Variants in KCNK10 observed in about 807,000 individuals in gnomAD.
The protein encoded by KCNK10 is potassium channel subfamily K member 10.
A neutral mutation model predicts 47.7 loss-of-function variants in KCNK10; 25 were observed. The observed-to-expected ratio is 0.52, with a 90% CI of 0.38 to 0.73. The LOEUF (loss-of-function observed/expected upper bound fraction) is 0.73. Among genes scored for constraint, KCNK10 ranks in the 30% least tolerant of loss-of-function variants. The probability of loss-of-function intolerance (pLI) is 0.00; values close to 1 mark genes in which losing one functional copy is unlikely to be tolerated. For synonymous variants in KCNK10, 303 were observed against 285.6 expected (o/e 1.06, Z -0.61); for missense variants, 563 against 714.5 (o/e 0.79, Z 2.42).
Position 88,260,925 on chromosome 14 carries a change from T to A in KCNK10, c.402+2277A>T, listed in dbSNP as rs1887092388. Among the ~76,000 whole-genome samples, 1 of 152,192 alleles carries A rather than the reference T, an allele frequency of 6.6e-6. No homozygotes were observed. The highest frequency in any genetic ancestry group is 1.5e-5 in the Non-Finnish European group (1 of 68,034). ...ACCAGTCTTAATGGCAGCATCAGAA[T>A]AAGGACCTCCACGCTCTCTGACCCT... On this transcript the variant is annotated intron_variant, in intron 2 of 6. Transcript: ENST00000319231. This position sits in a 1 kb window ranked among gnomAD's most constrained non-coding sequence, Gnocchi z 4.5.
Position 88,185,957 on chromosome 14 carries a change from C to G in KCNK10, c.1210G>C (p.Val404Leu). The part of the protein sequence containing the change: ...LDMLSPEKRS[V>L]FAALDTGRFK... ...CGGCCGGTGTCCAGGGCAGCAAAGACAGAGCGCTTCTCGGGGGACAGCATG... is the reference window on the plus strand; with the variant it reads ...CGGCCGGTGTCCAGGGCAGCAAAGAGAGAGCGCTTCTCGGGGGACAGCATG... Residue 404 changes from valine (V) to leucine (L), a missense_variant, in exon 7 of 7, where the codon GTC becomes CTC. Transcript: ENST00000319231. This position sits in a 1 kb window ranked among gnomAD's most constrained non-coding sequence, Gnocchi z 4.3. 1.9e-6 allele frequency: 3 copies of G among 1,613,756 alleles called. No homozygotes were observed. The highest frequency in any genetic ancestry group is 2.5e-6 in the Non-Finnish European group (3 of 1,179,998).
In KCNK10 at chr14:88,260,741, C is replaced by T. The variant is rs1256601221; in HGVS notation, c.402+2461G>A. Among the ~76,000 whole-genome samples the T allele has an allele frequency of 6.6e-6, 1 of 152,070 alleles. No individual in the cohort carries two copies. The highest frequency in any genetic ancestry group is 1.5e-5 in the Non-Finnish European group (1 of 68,016). On this transcript the variant is annotated intron_variant, in intron 2 of 6. Coordinates refer to ENST00000319231, the MANE Select transcript of KCNK10 (RefSeq NM_138317.3). The surrounding 1 kb of genome is among the most constrained non-coding windows in gnomAD (Gnocchi z 4.5). ...AAATGAGATAATGGGTATATGATGC[C>T]CAGCTCATAACAGATGCCTAATAAA...
rs1228642361 is a variant in KCNK10 at position 88,186,524 on chromosome 14, A to G, written c.1012-369T>C. Among the ~76,000 whole-genome samples the G allele has an allele frequency of 6.6e-6, 1 of 152,018 alleles. No homozygotes were observed. The highest frequency in any genetic ancestry group is 1.5e-5 in the Non-Finnish European group (1 of 68,004). On this transcript the variant is annotated intron_variant, in intron 6 of 6. Coordinates refer to ENST00000319231, the MANE Select transcript of KCNK10 (RefSeq NM_138317.3). The surrounding 1 kb of genome is among the most constrained non-coding windows in gnomAD (Gnocchi z 5.5). ...TTGCATGGCCTCATTCCCCCAACAT[A>G]CACTTGAGTGACCATATATAGCTCA...
chr14:88,302,310 T>C lies in KCNK10; in HGVS notation c.52+20437A>G, dbSNP rs192065362. 1.9e-3 allele frequency among the ~76,000 whole-genome samples: 291 copies of C among 152,280 alleles called. 1 individual carries two copies. Among genetic ancestry groups the C allele is most frequent in the Non-Finnish European group, 2.8e-3 (193 of 68,020 alleles). ...ATCACTCAGGAGAACCTACAGATCCTGACAAGAAGGACCTCAGGTCTAACT... is the reference window on the plus strand; with the variant it reads ...ATCACTCAGGAGAACCTACAGATCCCGACAAGAAGGACCTCAGGTCTAACT... On this transcript the variant is annotated intron_variant, in intron 1 of 6. Transcript: ENST00000319231.
At chr14:88,271,383 C>T (rs149641942) in intron 1 of KCNK10, among the ~76,000 whole-genome samples, 2 of 152,278 alleles carry the variant, frequency 1.3e-5, no homozygotes, top group Non-Finnish European at 2.9e-5. Context: ...GCACCCCTGG[C>T]ACTATTGTGG....
intron 5 of KCNK10, among the ~76,000 whole-genome samples, chr14:88,191,918 A>C (rs534956493): frequency 3.3e-5 from 5 of 152,350 alleles, no homozygotes; most frequent in African/African-American, 9.6e-5. Flanking sequence ...AGAGAGGTTT[A>C]ATTCAATTCA....
At chr14:88,256,217 GC>G (rs1308836206) in intron 2 of KCNK10, among the ~76,000 whole-genome samples, 1 of 152,126 alleles carries the variant, frequency 6.6e-6, no homozygotes, top group African/African-American at 2.4e-5. Context: ...TATTAAAGGG[GC>G]CTGGCCCTTC....
At chr14:88,271,704 G>T (rs1887409785) in intron 1 of KCNK10, among the ~76,000 whole-genome samples, 1 of 152,134 alleles carries the variant, frequency 6.6e-6, no homozygotes, top group African/African-American at 2.4e-5. Context: ...CCCTGAGTCT[G>T]CCTTCCTGGG....
At chr14:88,289,611 A>G (rs1887835532) in intron 1 of KCNK10, among the ~76,000 whole-genome samples, 1 of 152,206 alleles carries the variant, frequency 6.6e-6, no homozygotes, top group Non-Finnish European at 1.5e-5. Flanking sequence ...AGCTACACAC[A>G]CAGTGAAGAA....
intron 1 of KCNK10, among the ~76,000 whole-genome samples, chr14:88,315,186 C>T (rs1034103867): frequency 3.9e-5 from 6 of 152,134 alleles, no homozygotes; most frequent in African/African-American, 1.4e-4. Context: ...GAGGCCGAAA[C>T]AGATCTATCA....
chr14:88,258,290 C>CTTTTT lies in KCNK10; in HGVS notation c.402+4907_402+4911dup, dbSNP rs1255773967. On this transcript the variant is annotated intron_variant, in intron 2 of 6. Transcript: ENST00000319231. ...GGTGAGTAACTTGCTTATGGTGAGT[C>CTTTTT]TTTTTTTTTTTTTTTTTCGAGATGG... is the stretch of plus-strand genomic sequence containing the variant. Among the ~76,000 whole-genome samples the CTTTTT allele has an allele frequency of 2.9e-5, 4 of 136,262 alleles. 1 individual carries two copies. Among genetic ancestry groups the CTTTTT allele is most frequent in the African/African-American group, 8.1e-5 (3 of 37,130 alleles). 89.4% of individuals were successfully genotyped at this position (136,262 alleles called of 152,430 possible).
chr14:88,301,853 G>T (rs184539402), intron 1 of KCNK10, among the ~76,000 whole-genome samples: 1 of 152,176 alleles, frequency 6.6e-6, no homozygotes, highest in Non-Finnish European at 1.5e-5. Context: ...AAGAGGAACC[G>T]ATAGAGAATT....
intron 1 of KCNK10, among the ~76,000 whole-genome samples, chr14:88,273,576 G>GTGCTGAGC: frequency 6.6e-6 from 1 of 152,274 alleles, no homozygotes; most frequent in East Asian, 1.9e-4. Context: ...TATTCCTTGT[G>GTGCTGAGC]TGTGCTGAGC....
chr14:88,208,702 C>A (rs1885362556), intron 4 of KCNK10, among the ~76,000 whole-genome samples: 1 of 151,986 alleles, frequency 6.6e-6, no homozygotes, highest in Admixed American at 6.6e-5. Flanking sequence ...CATGGAAGTT[C>A]TCTGTAATCT....
chr14:88,325,428 T>C (rs1379955226), upstream of KCNK10, among the ~76,000 whole-genome samples: 1 of 152,216 alleles, frequency 6.6e-6, no homozygotes, highest in Non-Finnish European at 1.5e-5. Context: ...CCATTCATCT[T>C]TGTTAGATCA....
intron 4 of KCNK10, among the ~76,000 whole-genome samples, chr14:88,204,687 C>T (rs1277238400): frequency 6.6e-6 from 1 of 151,266 alleles, no homozygotes; most frequent in Non-Finnish European, 1.5e-5. Context: ...TTTATTGGTG[C>T]CCCAATACTG....
At chr14:88,306,236 C>G (rs1333004801) in intron 1 of KCNK10, among the ~76,000 whole-genome samples, 1 of 152,172 alleles carries the variant, frequency 6.6e-6, no homozygotes, top group Non-Finnish European at 1.5e-5. Flanking sequence ...AAGCACATAA[C>G]CACTACCGGA....
intron 4 of KCNK10, among the ~76,000 whole-genome samples, chr14:88,207,221 G>A (rs1296912523): frequency 4.2e-5 from 6 of 141,510 alleles, no homozygotes; most frequent in African/African-American, 8.2e-5. Flanking sequence ...CGCCCAGGCC[G>A]GAGTGCAGTG....
Position 88,291,408 on chromosome 14 carries a change from G to C in KCNK10, c.53-27857C>G, listed in dbSNP as rs149833289. On this transcript the variant is annotated intron_variant, in intron 1 of 6. Coordinates refer to ENST00000319231, the MANE Select transcript of KCNK10 (RefSeq NM_138317.3). ...TGAAGACTGAGGATCCATCAATGCA[G>C]AGCTTGCATATGATCTCTAAGCCAT... Among the ~76,000 whole-genome samples the C allele has an allele frequency of 7.3e-3, 1,111 of 152,332 alleles. 14 individuals are homozygous for C. The highest frequency in any genetic ancestry group is 0.026 in the African/African-American group (1,063 of 41,574).
Sources: gnomAD v4.1 joint callset for allele counts (sites outside exome capture counted in the v4.1 genomes callset) on GRCh38, gnomAD v4.1.1 for gene constraint, Gnocchi (gnomAD v3.1) non-coding constraint, MANE v1.5 for transcripts, NCBI Gene and HGNC (gene_info 2026-07-23, HGNC 2026-07-21) for gene names.